Variants in SPECC1 observed in about 807,000 individuals in gnomAD.
SPECC1 encodes sperm antigen with calponin homology and coiled-coil domains 1.
A neutral mutation model predicts 104.1 loss-of-function variants in SPECC1; 62 were observed. The observed-to-expected ratio is 0.60, with a 90% confidence interval of 0.49 to 0.74. The LOEUF is 0.74. Ranked by LOEUF, SPECC1 falls within the 30% of genes least tolerant of loss-of-function variation. The pLI, the probability that SPECC1 is intolerant of heterozygous loss-of-function variation, is 0.00. For synonymous variants in SPECC1, 513 were observed against 501.6 expected, an observed-to-expected ratio of 1.02 and a Z score of -0.30; for missense variants, 1,306 against 1,310.5, an observed-to-expected ratio of 1.00 and a Z score of 0.05.
chr17:20,051,132 C>A (rs1219691585), intron 1 of SPECC1, among the ~76,000 whole-genome samples: 5 of 114,910 alleles, frequency 4.4e-5, no homozygotes, highest in Non-Finnish European at 3.7e-5. Flanking sequence ...TTCTTTCTTT[C>A]TTTCTTTCCT....
At chr17:20,245,877 A>G in intron 7 of SPECC1, 49 bp from the exon 8 acceptor site, 5 of 1,601,916 alleles carry the variant, frequency 3.1e-6, no homozygotes, top group South Asian at 1.1e-5. Flanking sequence ...TTTTTCTCCC[A>G]TGGGGATGTC....
chr17:20,252,843 C>G (rs1479936207), intron 9 of SPECC1, among the ~76,000 whole-genome samples: 1 of 152,140 alleles, frequency 6.6e-6, no homozygotes, highest in Non-Finnish European at 1.5e-5. Context: ...GTGCAAGTAT[C>G]TCTTTGAGAT....
intron 3 of SPECC1, among the ~76,000 whole-genome samples, chr17:20,189,767 A>G (rs1033316939): frequency 6.6e-6 from 1 of 152,172 alleles, no homozygotes; most frequent in Non-Finnish European, 1.5e-5. Flanking sequence ...TAGATTTACA[A>G]GCATTTTGAA....
intron 8 of SPECC1, among the ~76,000 whole-genome samples, chr17:20,246,932 G>C (rs1267320407): frequency 5.9e-5 from 9 of 152,118 alleles, no homozygotes. Flanking sequence ...TTAACAATTT[G>C]TACAAGAACT....
At chr17:20,117,738 A>G (rs533919457) in intron 3 of SPECC1, among the ~76,000 whole-genome samples, 13 of 150,936 alleles carry the variant, frequency 8.6e-5, no homozygotes, top group African/African-American at 3.1e-4. Context: ...GAAAAATAAT[A>G]TAATAGAAAT....
At chr17:20,196,863 T>C (rs540967949) in intron 3 of SPECC1, among the ~76,000 whole-genome samples, 1 of 151,704 alleles carries the variant, frequency 6.6e-6, no homozygotes, top group East Asian at 1.9e-4. Flanking sequence ...TAATTTAGAC[T>C]GAATGTTTTT....
At chr17:20,201,155 T>C (rs1443873145) in intron 3 of SPECC1, among the ~76,000 whole-genome samples, 3 of 151,648 alleles carry the variant, frequency 2.0e-5, no homozygotes, top group African/African-American at 7.3e-5. Flanking sequence ...CAACAAACAA[T>C]TGAAGGTTTA....
chr17:20,044,887 T>C (rs927906202), intron 1 of SPECC1, among the ~76,000 whole-genome samples: 3 of 152,254 alleles, frequency 2.0e-5, no homozygotes, highest in Admixed American at 6.5e-5. Context: ...TTCAACATGG[T>C]ATTTATCAAG....
At chr17:20,246,134 T>C (rs2039412524) in intron 8 of SPECC1, 63 bp downstream of exon 8, 7 of 1,587,486 alleles carry the variant, frequency 4.4e-6, no homozygotes, top group East Asian at 4.5e-5. Flanking sequence ...ACATTTGATA[T>C]GTCTACTATC....
intron 4 of SPECC1, among the ~76,000 whole-genome samples, chr17:20,215,037 G>A (rs934517166): frequency 2.0e-5 from 3 of 152,258 alleles, no homozygotes; most frequent in African/African-American, 7.2e-5. Context: ...ACCCAGGCCT[G>A]CAAGCCCAGG....
rs1162780603 is a variant in SPECC1, at chr17:20,315,891, G to A, written c.*1826G>A. Reference sequence around the variant, plus strand: ...GAAAACACTCTTGGCTGCCCTAGTTGGTTAACTTCAGAATGTCTGGAATGG... The same window carrying A: ...GAAAACACTCTTGGCTGCCCTAGTTAGTTAACTTCAGAATGTCTGGAATGG... On this transcript the variant is annotated 3_prime_UTR_variant, in exon 15 of 15. Coordinates refer to ENST00000395527, the MANE Select transcript of SPECC1 (RefSeq NM_001243439.2). 1 of 232,560 alleles carries A rather than the reference G, an allele frequency of 4.3e-6. No homozygotes were observed. Among genetic ancestry groups the A allele is most frequent in the African/African-American group, 2.2e-5 (1 of 45,298 alleles). 14.4% of individuals were successfully genotyped at this position (232,560 alleles called of 1,614,324 possible).
At position 20,231,811 on chromosome 17, in the gene SPECC1, A is replaced by G; in HGVS notation, c.2125A>G (p.Thr709Ala). The G allele has an allele frequency of 6.2e-7, 1 of 1,613,846 alleles. No individual in the cohort carries two copies. Among genetic ancestry groups the G allele is most frequent in the Non-Finnish European group, 8.5e-7 (1 of 1,179,970 alleles). ...GTCAGACCTGGAGAGGCAGCTGAAGACTCTGACCAAGCAGATGAAGGTGAG... is the reference window on the plus strand; with the variant it reads ...GTCAGACCTGGAGAGGCAGCTGAAGGCTCTGACCAAGCAGATGAAGGTGAG... ...QKSDLERQLK[T>A]LTKQMKEETE... is the part of the protein sequence containing the mutation. The change falls in exon 6 of 15, where the codon ACT becomes GCT. Residue 709 changes from threonine (T) to alanine (A), a missense_variant. Physicochemically the swap from Thr to Ala is moderately conservative, Grantham distance 58 (BLOSUM62 0). Transcript: ENST00000395527.
chr17:20,243,380 C>T (rs1209960348), intron 7 of SPECC1, among the ~76,000 whole-genome samples: 1 of 152,096 alleles, frequency 6.6e-6, no homozygotes, highest in African/African-American at 2.4e-5. Flanking sequence ...TGTAAGACTT[C>T]ATTTATGGCT....
At chr17:20,192,174 C>T (rs1466847104) in intron 3 of SPECC1, among the ~76,000 whole-genome samples, 3 of 151,910 alleles carry the variant, frequency 2.0e-5, no homozygotes, top group Non-Finnish European at 4.4e-5. Context: ...CTCAAGGCTG[C>T]CCAGACTGGT....
intron 12 of SPECC1, among the ~76,000 whole-genome samples, chr17:20,288,872 C>A (rs1009810053): frequency 6.6e-6 from 1 of 151,242 alleles, no homozygotes; most frequent in Non-Finnish European, 1.5e-5. Context: ...CAACCTCCGC[C>A]CCCCCGGGTT....
At chr17:20,138,674 C>T (rs1010875377) in intron 3 of SPECC1, among the ~76,000 whole-genome samples, 1 of 152,188 alleles carries the variant, frequency 6.6e-6, no homozygotes, top group Admixed American at 6.5e-5. Context: ...ATTTAAGTTT[C>T]CTCCATGTCT....
At chr17:20,084,475 G>A (rs2047102550) in intron 1 of SPECC1, among the ~76,000 whole-genome samples, 1 of 151,994 alleles carries the variant, frequency 6.6e-6, no homozygotes, top group Non-Finnish European at 1.5e-5. Context: ...TAACAAAAAT[G>A]GTTATTATTC....
At chr17:20,228,950 C>G (rs116557041) in intron 5 of SPECC1, among the ~76,000 whole-genome samples, 1 of 152,144 alleles carries the variant, frequency 6.6e-6, no homozygotes, top group Non-Finnish European at 1.5e-5. Context: ...CCCATGCAGT[C>G]GATCCTCCTT....
rs765283310 is a variant in SPECC1, at chr17:20,314,060, A to G, written c.3202A>G (p.Thr1068Ala). 3 of 1,614,024 alleles carry G rather than the reference A, an allele frequency of 1.9e-6. No homozygotes were observed. In the East Asian group the frequency reaches 6.7e-5, roughly 36 times the overall value. The change falls in exon 15 of 15, where the codon ACG becomes GCG. Residue 1068 changes from threonine to alanine, a missense_variant. Coordinates refer to ENST00000395527, the MANE Select transcript of SPECC1 (RefSeq NM_001243439.2). ...GGCCCAAATCTACAAGTACTTTGAG[A>G]CGTAACCCTGGAGGGCCTGGGGCAG... The part of the protein sequence containing the change: ...YVAQIYKYFE[T>A]
Sources: allele counts gnomAD v4.1 joint callset (sites outside exome capture counted in the v4.1 genomes callset), GRCh38; gene constraint gnomAD v4.1.1; transcripts MANE v1.5; gene names NCBI Gene and HGNC (gene_info 2026-07-23, HGNC 2026-07-21).